PARD3: variants seen among roughly 807,000 people sequenced by gnomAD.
The protein encoded by PARD3 is par-3 family cell polarity regulator.
PARD3 carries 75 observed loss-of-function variants against 155.4 expected under a neutral mutation model. The observed-to-expected ratio is 0.48, with a 90% CI of 0.40 to 0.58. The LOEUF is 0.58. Among genes scored for constraint, PARD3 ranks in the 20% least tolerant of loss-of-function variants. PARD3 has a pLI of 0.00. For missense variants in PARD3, 1,642 were observed against 1,721.7 expected, an observed-to-expected ratio of 0.95 and a Z score of 0.82; for synonymous variants, 576 against 610.5, an observed-to-expected ratio of 0.94 and a Z score of 0.83.
chr10:34,763,547 G>T (rs530087269), intron 1 of PARD3, among the ~76,000 whole-genome samples: 1 of 152,274 alleles, frequency 6.6e-6, no homozygotes, highest in East Asian at 1.9e-4. Context: ...GAGATGTTGA[G>T]TCATATGGGG....
chr10:34,374,128 C>G (rs1840978414), intron 11 of PARD3, among the ~76,000 whole-genome samples: 1 of 152,112 alleles, frequency 6.6e-6, no homozygotes, highest in Non-Finnish European at 1.5e-5. Flanking sequence ...AAGGCAACTC[C>G]TCCAATTATG....
At chr10:34,790,969 G>T (rs1841550013) in intron 1 of PARD3, among the ~76,000 whole-genome samples, 1 of 151,954 alleles carries the variant, frequency 6.6e-6, no homozygotes, top group South Asian at 2.1e-4. Flanking sequence ...CACGCACATG[G>T]GCTCACACAC....
intron 2 of PARD3, among the ~76,000 whole-genome samples, chr10:34,548,341 A>G (rs114621759): frequency 0.013 from 2,007 of 151,968 alleles, 47 homozygotes; most frequent in African/African-American, 0.045. Context: ...ACACACACAC[A>G]CACAAAAAAA....
intron 7 of PARD3, among the ~76,000 whole-genome samples, chr10:34,386,379 G>C (rs1842348810): frequency 6.6e-6 from 1 of 152,148 alleles, no homozygotes; most frequent in African/African-American, 2.4e-5. Flanking sequence ...TTAACTCTCA[G>C]TTCATATTTG....
At chr10:34,651,784 T>TA (rs746472428) in intron 2 of PARD3, among the ~76,000 whole-genome samples, 1 of 152,222 alleles carries the variant, frequency 6.6e-6, no homozygotes, top group Non-Finnish European at 1.5e-5. Context: ...TTTGGCCACT[T>TA]ATCTTCTGCT....
chr10:34,145,202 TA>T (rs1374805504), intron 22 of PARD3, among the ~76,000 whole-genome samples: 3 of 62,206 alleles, frequency 4.8e-5, no homozygotes, highest in Admixed American at 1.5e-4. Context: ...TATATATATA[TA>T]TATATATATA....
chr10:34,471,869 G>A (rs1453653314), intron 3 of PARD3, among the ~76,000 whole-genome samples: 1 of 152,178 alleles, frequency 6.6e-6, no homozygotes, highest in Non-Finnish European at 1.5e-5. Context: ...TAATGACATA[G>A]CTTTAACCAT....
chr10:34,485,097 G>A (rs1291989174), intron 3 of PARD3, among the ~76,000 whole-genome samples: 1 of 152,174 alleles, frequency 6.6e-6, no homozygotes, highest in Non-Finnish European at 1.5e-5. Context: ...CAACACTTTG[G>A]GAGGCCAAGG....
chr10:34,321,850 T>G (rs1355286130), intron 19 of PARD3, among the ~76,000 whole-genome samples: 1 of 152,198 alleles, frequency 6.6e-6, no homozygotes, highest in African/African-American at 2.4e-5. Context: ...GGGTTTTCAT[T>G]GAAGTGCAAA....
intron 19 of PARD3, 60 bp downstream of exon 19, chr10:34,331,057 C>T: frequency 7.4e-7 from 1 of 1,347,076 alleles, no homozygotes; most frequent in Non-Finnish European, 1.1e-6. Flanking sequence ...CTCCCTGGAG[C>T]TCACTTTAAG....
At chr10:34,587,267 C>A (rs1266531612) in intron 2 of PARD3, among the ~76,000 whole-genome samples, 1 of 152,032 alleles carries the variant, frequency 6.6e-6, no homozygotes, top group East Asian at 1.9e-4. Flanking sequence ...GGATTACAGG[C>A]GCCTGCCAGC....
At chr10:34,160,754 A>G (rs1362161992) in intron 22 of PARD3, among the ~76,000 whole-genome samples, 1 of 152,194 alleles carries the variant, frequency 6.6e-6, no homozygotes, top group African/African-American at 2.4e-5. Context: ...GTAAACTTTG[A>G]CCGTTCACAG....
At chr10:34,741,351 G>GT (rs1185619959) in intron 1 of PARD3, among the ~76,000 whole-genome samples, 1 of 151,060 alleles carries the variant, frequency 6.6e-6, no homozygotes, top group African/African-American at 2.4e-5. Context: ...ATCTGGCTAA[G>GT]TTTTTTTATT....
intron 1 of PARD3, among the ~76,000 whole-genome samples, chr10:34,717,875 C>T (rs950636538): frequency 1.3e-5 from 2 of 152,074 alleles, no homozygotes; most frequent in African/African-American, 4.8e-5. Context: ...ATTTCGGGGC[C>T]AAGCGTGGTG....
intron 5 of PARD3, among the ~76,000 whole-genome samples, chr10:34,415,136 C>G (rs1434069344): frequency 6.6e-6 from 1 of 152,078 alleles, no homozygotes; most frequent in Non-Finnish European, 1.5e-5. Flanking sequence ...ATCAGAGAGC[C>G]AGGAGCGTGC....
At chr10:34,116,715 T>C (rs1377896440) in intron 24 of PARD3, among the ~76,000 whole-genome samples, 1 of 152,244 alleles carries the variant, frequency 6.6e-6, no homozygotes, top group Non-Finnish European at 1.5e-5. Flanking sequence ...CATAACTCTT[T>C]AATTTGAGGA....
At chr10:34,470,310 G>C in intron 3 of PARD3, 47 bp from the exon 4 acceptor site, 1 of 1,368,162 alleles carries the variant, frequency 7.3e-7, no homozygotes, top group Non-Finnish European at 9.9e-7. Flanking sequence ...ACTAATGTTG[G>C]TAAACTACAT....
chr10:34,442,713 T>A (rs1320283316), intron 5 of PARD3, among the ~76,000 whole-genome samples: 5 of 151,960 alleles, frequency 3.3e-5, no homozygotes, highest in African/African-American at 1.2e-4. Context: ...TACAAAAAAA[T>A]TTTTTTAATT....
chr10:34,726,194 GC>G (rs1368427988), intron 1 of PARD3, among the ~76,000 whole-genome samples: 1 of 152,214 alleles, frequency 6.6e-6, no homozygotes, highest in Non-Finnish European at 1.5e-5. Flanking sequence ...GATGGCTCAT[GC>G]CTGTAACCCC....
Sources: allele counts gnomAD v4.1 joint callset (sites outside exome capture counted in the v4.1 genomes callset), GRCh38; gene constraint gnomAD v4.1.1; transcripts MANE v1.5; gene names NCBI Gene and HGNC (gene_info 2026-07-23, HGNC 2026-07-21).